The following GPN1 variants were observed in gnomAD, a reference collection of about 807,000 sequenced individuals.
The protein encoded by GPN1 is GPN-loop GTPase 1, also known as ATP(GTP)-binding protein.
Under a neutral mutation model 55.9 loss-of-function variants are expected in GPN1, and 44 were observed. The ratio of observed to expected loss-of-function variants is 0.79; its 90% confidence interval spans 0.62 to 1.01. The LOEUF is 1.01. Ranked by LOEUF, GPN1 falls within the 50% of genes least tolerant of loss-of-function variation. The pLI is 0.00. For synonymous variants in GPN1, 179 were observed against 162.5 expected (o/e 1.10, Z -0.77); for missense variants, 466 against 462.8 (o/e 1.01, Z -0.06).
rs1673882247 is a variant in GPN1, at chr2:27,640,156, A to G, written c.800+31A>G. The G allele has an allele frequency of 3.7e-6, 5 of 1,347,454 alleles. No individual in the cohort carries two copies. In the East Asian group the frequency reaches 1.1e-4, roughly 31 times the overall value. 83.5% of individuals were successfully genotyped at this position (1,347,454 alleles called of 1,614,324 possible). ...GATAAAGGAAAATTCTATTGATGAC[A>G]TTCTTAATAACCTACAATTCTGATA... On this transcript the variant is annotated intron_variant, in intron 10 of 13. Coordinates refer to ENST00000610189, the MANE Select transcript of GPN1 (RefSeq NM_007266.4).
chr2:27,634,215 T>G (rs1410388700), intron 5 of GPN1, among the ~76,000 whole-genome samples: 1 of 152,204 alleles, frequency 6.6e-6, no homozygotes, highest in Non-Finnish European at 1.5e-5. Context: ...TAGAGAAATG[T>G]CTATTAGAAT....
intron 3 of GPN1, chr2:27,631,563 T>G (rs1673554560): frequency 1.9e-6 from 1 of 534,832 alleles, no homozygotes; most frequent in Non-Finnish European, 3.3e-6. Flanking sequence ...CCAATGCCAG[T>G]GGGCTGTCAC....
chr2:27,630,316 C>T (rs1160804273), intron 2 of GPN1, among the ~76,000 whole-genome samples: 1 of 146,168 alleles, frequency 6.8e-6, no homozygotes, highest in Non-Finnish European at 1.5e-5. Flanking sequence ...TCAGTGCCTT[C>T]TTTTTTCATG....
intron 12 of GPN1, among the ~76,000 whole-genome samples, chr2:27,645,837 C>T (rs993111035): frequency 2.0e-5 from 3 of 149,390 alleles, no homozygotes; most frequent in African/African-American, 7.4e-5. Flanking sequence ...TCAAGCTATT[C>T]TCCTGCCTCA....
chr2:27,649,977 G>A, intron 13 of GPN1, 138 bp from the exon 14 acceptor site: 1 of 575,962 alleles, frequency 1.7e-6, no homozygotes, highest in Non-Finnish European at 3.2e-6. Context: ...ATGCTTCTAG[G>A]AGACATTTCC....
At chr2:27,644,855 G>A (rs1035621466) in intron 12 of GPN1, among the ~76,000 whole-genome samples, 3 of 149,562 alleles carry the variant, frequency 2.0e-5, no homozygotes, top group African/African-American at 4.9e-5. Flanking sequence ...TTGTAACAGC[G>A]ATTTGAGATG....
upstream of GPN1, chr2:27,628,434 G>A (rs770046967): frequency 5.8e-5 from 90 of 1,551,588 alleles, no homozygotes; most frequent in African/African-American, 1.1e-3. Context: ...CACGGCAACT[G>A]TGTAGTTCAC....
intron 1 of GPN1, chr2:27,629,382 TC>T: frequency 6.4e-7 from 1 of 1,550,988 alleles, no homozygotes; most frequent in Non-Finnish European, 8.7e-7. Flanking sequence ...CAGGGCATAC[TC>T]GGTCCAGCTT....
chr2:27,647,607 A>C (rs1409313913), intron 12 of GPN1, among the ~76,000 whole-genome samples: 1 of 152,210 alleles, frequency 6.6e-6, no homozygotes, highest in Non-Finnish European at 1.5e-5. Flanking sequence ...TATTTCCCTC[A>C]GCTTAAAAAA....
chr2:27,634,153 T>C (rs1215540303), intron 5 of GPN1, among the ~76,000 whole-genome samples: 1 of 152,192 alleles, frequency 6.6e-6, no homozygotes, highest in Non-Finnish European at 1.5e-5. Context: ...TAATAACTAA[T>C]GATATTGAAC....
In GPN1 at chr2:27,641,240, G is replaced by A; in HGVS notation, c.801G>A (p.Arg267=). The change falls in exon 11 of 14, where the codon AGG becomes AGA. Residue 267 remains arginine, a splice_region_variant and synonymous_variant. Transcript: ENST00000610189. ...QVTSAAEEYE[R]EYRPEYERLK... The stretch of plus-strand genomic sequence containing the variant: ...ATTTAGAAAGTGTTTCTCTTTACAG[G>A]GAGTATCGTCCTGAATATGAACGTC... 2 of 1,602,720 alleles carry A rather than the reference G, an allele frequency of 1.2e-6. No individual in the cohort carries two copies. The highest frequency in any genetic ancestry group is 1.7e-6 in the Non-Finnish European group (2 of 1,170,158).
At chr2:27,638,400 A>T (rs773459943) in intron 8 of GPN1, 145 bp downstream of exon 8, 45 of 595,176 alleles carry the variant, frequency 7.6e-5, no homozygotes, top group Non-Finnish European at 1.1e-4. Context: ...CTTCGAGAAA[A>T]TGAATCAATC....
At chr2:27,628,646 C>T (rs1373360479), upstream of GPN1, 1 of 1,551,602 alleles carries the variant, frequency 6.4e-7, no homozygotes, top group East Asian at 2.4e-5. Context: ...GCCTCGGCTA[C>T]CGAATAAGCC....
intron 12 of GPN1, among the ~76,000 whole-genome samples, chr2:27,645,739 A>G (rs373516796): frequency 6.7e-6 from 1 of 149,720 alleles, no homozygotes. Flanking sequence ...ATCTTTATGT[A>G]TTTGTTTTGA....
intron 11 of GPN1, 24 bp downstream of exon 11, chr2:27,641,303 A>C: frequency 6.4e-7 from 1 of 1,563,754 alleles, no homozygotes; most frequent in Non-Finnish European, 8.8e-7. Context: ...CTGTTTGTAT[A>C]TTTTAAAAGG....
At chr2:27,641,315 C>G (rs757661705) in intron 11 of GPN1, 36 bp downstream of exon 11, 1 of 1,488,892 alleles carries the variant, frequency 6.7e-7, no homozygotes, top group Admixed American at 1.7e-5. Context: ...TTTAAAAGGG[C>G]CATTAAAAAA....
intron 4 of GPN1, 25 bp downstream of exon 4, chr2:27,631,925 T>C (rs371433303): frequency 1.5e-4 from 190 of 1,285,494 alleles, no homozygotes; most frequent in Non-Finnish European, 2.1e-4. Context: ...AGTATATTAA[T>C]ATGGTTGTGT....
chr2:27,642,545 G>C (rs748324865), intron 12 of GPN1, 26 bp downstream of exon 12: 1 of 1,380,192 alleles, frequency 7.2e-7, no homozygotes, highest in Non-Finnish European at 1.0e-6. Flanking sequence ...TTGGTGTTAG[G>C]AACTAAAAAA....
At chr2:27,635,270 G>A (rs764767059) in intron 7 of GPN1, 36 bp downstream of exon 7, 1 of 953,718 alleles carries the variant, frequency 1.0e-6, no homozygotes, top group East Asian at 2.4e-5. Context: ...GTTCCATCAA[G>A]GTATAAGGCC....
Sources: gnomAD v4.1 joint callset for allele counts (sites outside exome capture counted in the v4.1 genomes callset) on GRCh38, gnomAD v4.1.1 for gene constraint, MANE v1.5 for transcripts, NCBI Gene and HGNC (gene_info 2026-07-23, HGNC 2026-07-21) for gene names.